The following SCAF1 variants were observed in gnomAD, a reference collection of about 807,000 sequenced individuals.
The protein encoded by SCAF1 is splicing factor, arginine/serine-rich 19.
SCAF1 carries 28 observed loss-of-function variants against 91.2 expected under a neutral mutation model. That is an observed-to-expected ratio of 0.31 (90% confidence interval 0.23 to 0.42). SCAF1 has a LOEUF of 0.42. Among genes scored for constraint, SCAF1 ranks in the 10% least tolerant of loss-of-function variants. The pLI is 1.00. For missense variants in SCAF1, 1,893 were observed against 1,872.1 expected (o/e 1.01, Z -0.21); for synonymous variants, 1,036 against 833.7 (o/e 1.24, Z -4.18).
chr19:49,653,504 G>A lies in SCAF1; in HGVS notation c.3115G>A (p.Glu1039Lys). ...EEEEEEEEEE[E>K]QQPATTTATS... Reference sequence around the variant, plus strand: ...GGAGGAGGAAGAGGAAGAGGAGGAGGAGCAGCAGCCTGCTACCACCACGGC... The same window carrying A: ...GGAGGAGGAAGAGGAAGAGGAGGAGAAGCAGCAGCCTGCTACCACCACGGC... The change falls in exon 7 of 11, where the codon GAG (glutamate) becomes AAG (lysine). Residue 1039 changes from glutamate (E) to lysine (K), a missense_variant. Coordinates refer to ENST00000360565, the MANE Select transcript of SCAF1 (RefSeq NM_021228.3). The A allele has an allele frequency of 6.4e-7, 1 of 1,565,614 alleles. No homozygotes were observed. Among genetic ancestry groups the A allele is most frequent in the Non-Finnish European group, 8.6e-7 (1 of 1,160,058 alleles).
In SCAF1 at chr19:49,651,312, A is replaced by G. The variant is rs779641543; in HGVS notation, c.923A>G (p.Asn308Ser). Residue 308 changes from asparagine (N) to serine (S), a missense_variant, in exon 7 of 11, where the codon AAC (asparagine) becomes AGC (serine). Physicochemically the swap from Asn to Ser is conservative, Grantham distance 46. Transcript: ENST00000360565. The part of the protein sequence containing the change: ...SETLAGIYDD[N>S]SLSQDFPGDE... ...ACCCTGGCGGGCATCTACGATGACA[A>G]CAGCCTGAGCCAGGACTTCCCAGGT... 2 of 1,610,670 alleles carry G rather than the reference A, an allele frequency of 1.2e-6. No individual in the cohort carries two copies. The highest frequency in any genetic ancestry group is 1.7e-5 in the Admixed American group (1 of 59,982).
chr19:49,651,417 G>T lies in SCAF1; in HGVS notation c.1028G>T (p.Arg343Leu). ...PGTPPQVDSTRADGAMRRRVF... is the reference protein window; with the variant it reads ...PGTPPQVDSTLADGAMRRRVF... ...ACGCCGCCCCAGGTGGACTCCACCC[G>T]GGCTGATGGAGCCATGCGCCGGCGG... is the stretch of plus-strand genomic sequence containing the variant. Residue 343 changes from arginine to leucine, a missense_variant, in exon 7 of 11, where the codon CGG becomes CTG. Transcript: ENST00000360565. 1 of 1,605,620 alleles carries T rather than the reference G, an allele frequency of 6.2e-7. No homozygotes were observed. The highest frequency in any genetic ancestry group is 8.5e-7 in the Non-Finnish European group (1 of 1,177,202).
chr19:49,654,773 G>A lies in SCAF1; in HGVS notation c.3521G>A (p.Gly1174Asp), dbSNP rs2081128480. The change falls in exon 9 of 11, where the codon GGC (glycine) becomes GAC (aspartate). Residue 1174 changes from glycine (G) to aspartate (D), a missense_variant. Gly to Asp is a moderately conservative substitution (Grantham distance 94, BLOSUM62 -1). Around this residue, in one of 5 missense-constraint regions of SCAF1, gnomAD observed 1,436 missense variants for 1,306.8 expected, o/e 1.10. Transcript: ENST00000360565. ...YLLPGSLPLG[G>D]CGSTPPTPTG... ...CTTCCTGGCAGCCTCCCTCTGGGGG[G>A]CTGCGGTTCGACCCCCCCCACCCCC... is the stretch of plus-strand genomic sequence containing the variant. 2 of 1,613,254 alleles carry A rather than the reference G, an allele frequency of 1.2e-6. No individual in the cohort carries two copies. Among genetic ancestry groups the A allele is most frequent in the Non-Finnish European group, 1.7e-6 (2 of 1,179,702 alleles).
upstream of SCAF1, among the ~76,000 whole-genome samples, chr19:49,641,389 C>T (rs1327365417): frequency 2.6e-5 from 4 of 152,140 alleles, no homozygotes; most frequent in Admixed American, 6.5e-5. Context: ...CGATCTTGGC[C>T]CACTGCAACC....
chr19:49,653,152 C>T lies in SCAF1; in HGVS notation c.2763C>T (p.Ser921=). ...GGACCAAGGGAAAGACCAAGCCATC[C>T]AAGACCAGGAAAAAGGTCCGCAGTG... is the stretch of plus-strand genomic sequence containing the variant. The part of the protein sequence containing the change: ...TKGTKGKTKP[S]KTRKKVRSGG... The change falls in exon 7 of 11, where the codon TCC becomes TCT. Residue 921 remains serine (S), a synonymous_variant. Transcript: ENST00000360565. 6.2e-7 allele frequency: 1 copy of T among 1,605,106 alleles called. No homozygotes were observed. Among genetic ancestry groups the T allele is most frequent in the Non-Finnish European group, 8.5e-7 (1 of 1,176,130 alleles).
chr19:49,648,817 A>G (rs1273321894), intron 6 of SCAF1, among the ~76,000 whole-genome samples: 3 of 151,788 alleles, frequency 2.0e-5, no homozygotes, highest in Admixed American at 6.6e-5. Context: ...TTAAAAATAC[A>G]AAAATTAGCT....
intron 9 of SCAF1, among the ~76,000 whole-genome samples, 171 bp from the exon 10 acceptor site, chr19:49,657,590 G>A (rs915157494): frequency 1.3e-5 from 2 of 152,186 alleles, no homozygotes; most frequent in Admixed American, 6.5e-5. Flanking sequence ...CTTTGGTCCC[G>A]GGCACCTGCA....
chr19:49,647,548 GAGA>G (rs1269362765), intron 6 of SCAF1, among the ~76,000 whole-genome samples: 2 of 152,160 alleles, frequency 1.3e-5, no homozygotes, highest in Non-Finnish European at 2.9e-5. Context: ...GGAGGGAGAG[GAGA>G]AGAAGGTGCA....
intron 9 of SCAF1, among the ~76,000 whole-genome samples, chr19:49,655,960 T>C (rs1007143257): frequency 1.3e-5 from 2 of 152,242 alleles, no homozygotes; most frequent in Non-Finnish European, 2.9e-5. Flanking sequence ...CATGAGCCAC[T>C]GCACCCAGCC....
chr19:49,650,770 A>G lies in SCAF1; in HGVS notation c.479-98A>G, dbSNP rs1599824268. ...AAGCACTTGGGGCTTCCTGGGCAGG[A>G]CCTGGTGGCCCAGGGAGTGTCCACG... On this transcript the variant is annotated intron_variant, in intron 6 of 10. Transcript: ENST00000360565. The G allele has an allele frequency of 5.6e-6, 5 of 897,780 alleles. No homozygotes were observed. In the East Asian group the frequency reaches 1.3e-4, roughly 24 times the overall value. 55.6% of individuals were successfully genotyped at this position (897,780 alleles called of 1,614,324 possible). A position where few individuals can be genotyped will look rare whatever the true frequency, so the allele number is the denominator to read the frequency against.
chr19:49,656,461 T>G (rs1411290595), intron 9 of SCAF1, among the ~76,000 whole-genome samples: 1 of 152,204 alleles, frequency 6.6e-6, no homozygotes. Context: ...ACTTTGATAG[T>G]CACCTGGCTT....
rs2081050303 is a variant in SCAF1 at position 49,645,586 on chromosome 19, A to C, written c.166+175A>C. On this transcript the variant is annotated intron_variant, in intron 3 of 10. Coordinates refer to ENST00000360565, the MANE Select transcript of SCAF1 (RefSeq NM_021228.3). This position sits in a 1 kb window ranked among gnomAD's most constrained non-coding sequence, Gnocchi z 4.6. ...TTGGAAGGGCCTAGTGTGCAGTGGAAGGGAGACAGGCACAGTGCTGGGAGA... is the reference window on the plus strand; with the variant it reads ...TTGGAAGGGCCTAGTGTGCAGTGGACGGGAGACAGGCACAGTGCTGGGAGA... 1.3e-5 allele frequency among the ~76,000 whole-genome samples: 2 copies of C among 152,204 alleles called. No individual in the cohort carries two copies.
intron 6 of SCAF1, among the ~76,000 whole-genome samples, chr19:49,647,656 T>G (rs901107417): frequency 9.2e-5 from 14 of 152,294 alleles, no homozygotes; most frequent in African/African-American, 3.4e-4. Context: ...CTTGTTTACC[T>G]TGTTTCGCTG....
At chr19:49,654,583 A>G in intron 8 of SCAF1, 69 bp from the exon 9 acceptor site, 1 of 1,388,800 alleles carries the variant, frequency 7.2e-7, no homozygotes, top group African/African-American at 1.4e-5. Context: ...GCGTGGGAAC[A>G]GTGGGGTGCA....
rs1367198382 is a variant in SCAF1, at chr19:49,653,193, G to A, written c.2804G>A (p.Gly935Asp). 1 of 1,560,396 alleles carries A rather than the reference G, an allele frequency of 6.4e-7. No individual in the cohort carries two copies. The highest frequency in any genetic ancestry group is 2.0e-5 in the Admixed American group (1 of 50,960). The change falls in exon 7 of 11, where the codon GGC becomes GAC. Residue 935 changes from glycine to aspartate, a missense_variant. Coordinates refer to ENST00000360565, the MANE Select transcript of SCAF1 (RefSeq NM_021228.3). ...GTCCGCAGTGGAGGTGGCAGCGGGG[G>A]CAGTGGTGGCCAGGTGTCGCTGAAG... ...KKVRSGGGSG[G>D]SGGQVSLKKS...
rs1599824783 is a variant in SCAF1, at chr19:49,651,018, C to A, written c.629C>A (p.Pro210Gln). ...SPSSSSPSPP[P>Q]PPPPPAPPAP... is the part of the protein sequence containing the mutation. ...TCATCTTCCTCCCCTTCCCCTCCCC[C>A]ACCCCCACCGCCCCCTGCACCCCCA... is the stretch of plus-strand genomic sequence containing the variant. Residue 210 changes from proline to glutamine, a missense_variant, in exon 7 of 11, where the codon CCA (proline) becomes CAA (glutamine). Physicochemically the swap from Pro to Gln is moderately conservative, Grantham distance 76. Coordinates refer to ENST00000360565, the MANE Select transcript of SCAF1 (RefSeq NM_021228.3). 1 of 749,938 alleles carries A rather than the reference C, an allele frequency of 1.3e-6. No individual in the cohort carries two copies. Among genetic ancestry groups the A allele is most frequent in the East Asian group, 3.5e-5 (1 of 28,364 alleles). 46.5% of individuals were successfully genotyped at this position (749,938 alleles called of 1,614,324 possible).
rs771387208 is a variant in SCAF1 at position 49,651,050 on chromosome 19, C to T, written c.661C>T (p.Pro221Ser). 2 of 1,412,998 alleles carry T rather than the reference C, an allele frequency of 1.4e-6. No homozygotes were observed. The highest frequency in any genetic ancestry group is 3.0e-5 in the African/African-American group (2 of 66,170). 87.5% of individuals were successfully genotyped at this position (1,412,998 alleles called of 1,614,324 possible). The change falls in exon 7 of 11, where the codon CCT becomes TCT. Residue 221 changes from proline (P) to serine (S), a missense_variant. Pro to Ser is a moderately conservative substitution (Grantham distance 74). Coordinates refer to ENST00000360565, the MANE Select transcript of SCAF1 (RefSeq NM_021228.3). ...ACCGCCCCCTGCACCCCCAGCCCCA[C>T]CTGCCCCCCGATTCGATATCTATGA... Reference protein sequence around the residue: ...PPPPPAPPAPPAPRFDIYDPF... With the variant: ...PPPPPAPPAPSAPRFDIYDPF...
In SCAF1 at chr19:49,654,662, A is replaced by T. The variant is rs564944825; in HGVS notation, c.3410A>T (p.His1137Leu). The change falls in exon 9 of 11, where the codon CAC becomes CTC. Residue 1137 changes from histidine (H) to leucine (L), a missense_variant. Around this residue, in one of 5 missense-constraint regions of SCAF1, gnomAD observed 1,436 missense variants for 1,306.8 expected, o/e 1.10. Coordinates refer to ENST00000360565, the MANE Select transcript of SCAF1 (RefSeq NM_021228.3). ...LIQATNQILSHRKPPSSLGMT... is the reference protein window; with the variant it reads ...LIQATNQILSLRKPPSSLGMT... Reference sequence around the variant, plus strand: ...GTCCTCGTCCCACAGATCCTCAGCCACAGAAAGCCACCCTCAAGTCTGGGG... The same window carrying T: ...GTCCTCGTCCCACAGATCCTCAGCCTCAGAAAGCCACCCTCAAGTCTGGGG... 1.2e-6 allele frequency: 2 copies of T among 1,612,486 alleles called. No individual in the cohort carries two copies. Among genetic ancestry groups the T allele is most frequent in the South Asian group, 2.2e-5 (2 of 90,938 alleles).
In SCAF1 at chr19:49,653,473, AGAAGAG is replaced by A; in HGVS notation, c.3087_3092del (p.Glu1038_Glu1039del). On this transcript the variant is annotated inframe_deletion, in exon 7 of 11. Transcript: ENST00000360565. The stretch of plus-strand genomic sequence containing the variant: ...GGGCGGAGGAGGAGGAGGAGGAAGA[AGAAGAG>A]GAGGAGGAAGAGGAAGAGGAGGAGG... 3 of 1,555,626 alleles carry A rather than the reference AGAAGAG, an allele frequency of 1.9e-6. No individual in the cohort carries two copies. Among genetic ancestry groups the A allele is most frequent in the Non-Finnish European group, 2.6e-6 (3 of 1,152,770 alleles).
Sources: allele counts gnomAD v4.1 joint callset (sites outside exome capture counted in the v4.1 genomes callset), GRCh38; gene constraint gnomAD v4.1.1; regional missense constraint gnomAD v4.1.1; non-coding constraint Gnocchi (gnomAD v3.1); transcripts MANE v1.5; gene names NCBI Gene and HGNC (gene_info 2026-07-23, HGNC 2026-07-21).